Variants in RBMS3 observed in about 807,000 individuals in gnomAD.
The protein encoded by RBMS3 is RNA binding motif single stranded interacting protein 3.
In RBMS3, 27 loss-of-function variants were observed where a neutral mutation model predicts 66.8. The ratio of observed to expected loss-of-function variants is 0.40; its 90% CI spans 0.30 to 0.56. The LOEUF (loss-of-function observed/expected upper bound fraction) is 0.56, where lower values mean the gene tolerates loss of function less well. Ranked by LOEUF, RBMS3 falls within the 20% of genes least tolerant of loss-of-function variation. RBMS3 has a pLI of 0.40. For missense variants in RBMS3, 513 were observed against 549.5 expected (o/e 0.93, Z 0.66); for synonymous variants, 188 against 183.0 (o/e 1.03, Z -0.22).
intron 4 of RBMS3, among the ~76,000 whole-genome samples, chr3:29,721,446 A>G (rs912956500): frequency 5.9e-5 from 9 of 152,116 alleles, no homozygotes; most frequent in African/African-American, 2.2e-4. Flanking sequence ...GGCATGACAG[A>G]TTCTTTCACA....
chr3:29,501,488 TTG>T lies in RBMS3; in HGVS notation c.307+12992_307+12993del, dbSNP rs150614302. 3.3e-3 allele frequency among the ~76,000 whole-genome samples: 495 copies of T among 152,304 alleles called. 7 individuals are homozygous for T. The highest frequency in any genetic ancestry group is 0.032 in the South Asian group (154 of 4,828). ...TAGAAAGCCAGTATCACACGTAAAT[TTG>T]TGAAAACATCCGACGCTGTTGCAAG... On this transcript the variant is annotated intron_variant, in intron 3 of 14. Transcript: ENST00000383767.
At chr3:29,651,055 T>C (rs2050127724) in intron 4 of RBMS3, among the ~76,000 whole-genome samples, 1 of 152,188 alleles carries the variant, frequency 6.6e-6, no homozygotes, top group South Asian at 2.1e-4. Context: ...CAAAACTATA[T>C]TTATTACTTT....
chr3:29,365,986 G>C (rs552093823), intron 1 of RBMS3, among the ~76,000 whole-genome samples: 1 of 152,144 alleles, frequency 6.6e-6, no homozygotes, highest in South Asian at 2.1e-4. Context: ...TTACTCATTT[G>C]CTCTTATTAT....
intron 1 of RBMS3, among the ~76,000 whole-genome samples, chr3:29,297,749 G>A (rs1262742319): frequency 3.3e-5 from 5 of 151,736 alleles, no homozygotes; most frequent in African/African-American, 1.2e-4. Context: ...GATACCTTTT[G>A]TCCCCTAGAG....
chr3:29,501,674 T>G (rs2148937774), intron 3 of RBMS3, among the ~76,000 whole-genome samples: 1 of 152,270 alleles, frequency 6.6e-6, no homozygotes, highest in Non-Finnish European at 1.5e-5. Flanking sequence ...GAAGGTAAAC[T>G]CTTCAACCTA....
At chr3:29,639,593 C>CAG (rs60712857) in intron 4 of RBMS3, among the ~76,000 whole-genome samples, 19,163 of 143,030 alleles carry the variant, frequency 0.13, 1,233 homozygotes, top group South Asian at 0.16. Context: ...AGAAGATAGA[C>CAG]AGAGAGAGAG....
At chr3:29,368,450 C>A (rs1194260898) in intron 1 of RBMS3, among the ~76,000 whole-genome samples, 1 of 151,798 alleles carries the variant, frequency 6.6e-6, no homozygotes, top group East Asian at 1.9e-4. Flanking sequence ...TATCTAGTGG[C>A]ACTTAATAGG....
At chr3:29,462,803 G>T (rs2888101) in intron 2 of RBMS3, among the ~76,000 whole-genome samples, 10,862 of 152,200 alleles carry the variant, frequency 0.071, 461 homozygotes, top group East Asian at 0.16. Flanking sequence ...TATTGGTTTT[G>T]ACTTAAGAGA....
chr3:29,990,623 G>T (rs1698795478), intron 13 of RBMS3, among the ~76,000 whole-genome samples: 1 of 152,080 alleles, frequency 6.6e-6, no homozygotes, highest in South Asian at 2.1e-4. Flanking sequence ...CTACTTAATA[G>T]CATCCTTTAA....
chr3:29,708,273 T>G (rs2053001315), intron 4 of RBMS3, among the ~76,000 whole-genome samples: 1 of 152,194 alleles, frequency 6.6e-6, no homozygotes, highest in Non-Finnish European at 1.5e-5. Context: ...TGTTTTCATT[T>G]AAATATCAGA....
chr3:29,860,284 T>C (rs1388802590), intron 6 of RBMS3, among the ~76,000 whole-genome samples: 1 of 152,240 alleles, frequency 6.6e-6, no homozygotes, highest in Non-Finnish European at 1.5e-5. Context: ...CAGACGTTCT[T>C]AAAGCATTTT....
intron 7 of RBMS3, among the ~76,000 whole-genome samples, chr3:29,876,355 A>T (rs1208701944): frequency 1.3e-5 from 2 of 152,204 alleles, no homozygotes; most frequent in Non-Finnish European, 2.9e-5. Flanking sequence ...CAGCTTTTCC[A>T]AAGTAAATTT....
chr3:29,989,832 G>T (rs573819070), intron 13 of RBMS3, among the ~76,000 whole-genome samples: 31 of 152,176 alleles, frequency 2.0e-4, no homozygotes, highest in Admixed American at 3.3e-4. Context: ...GCACCTATGC[G>T]ATAAGAAAAT....
At chr3:29,402,833 A>T (rs2039868630) in intron 1 of RBMS3, among the ~76,000 whole-genome samples, 2 of 152,042 alleles carry the variant, frequency 1.3e-5, no homozygotes, top group South Asian at 4.1e-4. Flanking sequence ...CTGGATTGAT[A>T]AAGAAGAATT....
chr3:29,678,669 G>C (rs1056960067), intron 4 of RBMS3, among the ~76,000 whole-genome samples: 1 of 152,062 alleles, frequency 6.6e-6, no homozygotes, highest in African/African-American at 2.4e-5. Context: ...AAAATATTTT[G>C]TCACCCATGA....
intron 4 of RBMS3, among the ~76,000 whole-genome samples, chr3:29,599,694 C>T (rs1469086365): frequency 6.6e-6 from 1 of 152,008 alleles, no homozygotes; most frequent in Non-Finnish European, 1.5e-5. Flanking sequence ...AGCAGGGAGG[C>T]TTGGTTAACT....
Position 29,828,257 on chromosome 3 carries a change from G to A in RBMS3, c.638-40601G>A, listed in dbSNP as rs563119485. Among the ~76,000 whole-genome samples, 77 of 152,142 alleles carry A rather than the reference G, an allele frequency of 5.1e-4. 1 individual carries two copies. The highest frequency in any genetic ancestry group is 2.5e-3 in the South Asian group (12 of 4,816). ...CACTATACCGTAGACTCCTCTCTCCGTCTGGTGGCTCTTTCCTTCCCCTTT... is the reference window on the plus strand; with the variant it reads ...CACTATACCGTAGACTCCTCTCTCCATCTGGTGGCTCTTTCCTTCCCCTTT... On this transcript the variant is annotated intron_variant, in intron 6 of 14. Coordinates refer to ENST00000383767, the MANE Select transcript of RBMS3 (RefSeq NM_001003793.3).
At chr3:29,577,905 G>A (rs2047179441) in intron 3 of RBMS3, among the ~76,000 whole-genome samples, 1 of 152,178 alleles carries the variant, frequency 6.6e-6, no homozygotes. Flanking sequence ...TGGTCCTTGA[G>A]ATGATGCTTT....
intron 6 of RBMS3, among the ~76,000 whole-genome samples, chr3:29,804,217 T>C (rs962301575): frequency 2.0e-5 from 3 of 152,060 alleles, no homozygotes; most frequent in African/African-American, 7.2e-5. Context: ...TCATGTTTGC[T>C]ATAAAACTAA....
Sources: allele counts gnomAD v4.1 joint callset (sites outside exome capture counted in the v4.1 genomes callset), GRCh38; gene constraint gnomAD v4.1.1; transcripts MANE v1.5; gene names NCBI Gene and HGNC (gene_info 2026-07-23, HGNC 2026-07-21).